The following TNPO3 variants were observed in gnomAD, a reference collection of about 807,000 sequenced individuals.
TNPO3 encodes the protein transportin 3.
A neutral mutation model predicts 122.8 loss-of-function variants in TNPO3; 65 were observed. That is an observed-to-expected ratio of 0.53 (90% CI 0.43 to 0.65). The LOEUF (loss-of-function observed/expected upper bound fraction) is 0.65, where lower values mean the gene tolerates loss of function less well. Ranked by LOEUF, TNPO3 falls within the 30% of genes least tolerant of loss-of-function variation. TNPO3 has a pLI of 0.00. For synonymous variants in TNPO3, 372 were observed against 411.2 expected (o/e 0.90, Z 1.15); for missense variants, 850 against 1,136.7 (o/e 0.75, Z 3.63).
At chr7:129,002,544 C>G (rs1802051381) in intron 5 of TNPO3, among the ~76,000 whole-genome samples, 1 of 152,098 alleles carries the variant, frequency 6.6e-6, no homozygotes, top group African/African-American at 2.4e-5. Flanking sequence ...TGGGAGAGCA[C>G]AAAGATGCAA....
rs539811635 is a variant in TNPO3 at position 129,004,710 on chromosome 7, T to C, written c.696+306A>G. 3.9e-5 allele frequency among the ~76,000 whole-genome samples: 6 copies of C among 152,326 alleles called. No homozygotes were observed. In the East Asian group the frequency reaches 7.7e-4, roughly 20 times the overall value. ...AATGTCTAGGATTCAATGACCATTA[T>C]TGAAATACATAATTTTATATTTTTA... On this transcript the variant is annotated intron_variant, in intron 5 of 22. Transcript: ENST00000265388.
At chr7:129,030,848 C>T (rs966400624) in intron 1 of TNPO3, among the ~76,000 whole-genome samples, 1 of 152,064 alleles carries the variant, frequency 6.6e-6, no homozygotes, top group African/African-American at 2.4e-5. Context: ...TCAAGAGTGC[C>T]CCTTGGCTGC....
At chr7:129,018,186 AAAG>A (rs1275542005) in intron 1 of TNPO3, 29 bp from the exon 2 acceptor site, 3 of 1,602,254 alleles carry the variant, frequency 1.9e-6, no homozygotes, top group Non-Finnish European at 2.6e-6. Flanking sequence ...AAGATGTCTT[AAAG>A]AAGACTACTT....
chr7:128,996,576 T>C (rs1327608726), intron 8 of TNPO3, among the ~76,000 whole-genome samples: 1 of 151,916 alleles, frequency 6.6e-6, no homozygotes, highest in East Asian at 1.9e-4. Context: ...ACCCCATCTC[T>C]ACTAAATATA....
intron 11 of TNPO3, among the ~76,000 whole-genome samples, chr7:128,987,949 G>A (rs1800340931): frequency 6.6e-6 from 1 of 151,988 alleles, no homozygotes; most frequent in South Asian, 2.1e-4. Context: ...GTGAAAAAGT[G>A]GAAAGAATCA....
intron 21 of TNPO3, among the ~76,000 whole-genome samples, chr7:128,964,358 C>T (rs185387940): frequency 0.087 from 9,442 of 108,938 alleles, 673 homozygotes; most frequent in African/African-American, 0.24. Flanking sequence ...TTTTTTGAGA[C>T]GGAGCCTCGC....
intron 7 of TNPO3, among the ~76,000 whole-genome samples, chr7:128,998,391 G>A (rs1196633159): frequency 6.6e-6 from 1 of 152,114 alleles, no homozygotes; most frequent in African/African-American, 2.4e-5. Context: ...TAGAGACAGG[G>A]TCGCCTAGGC....
At chr7:129,026,761 C>T (rs1301837825) in intron 1 of TNPO3, among the ~76,000 whole-genome samples, 2 of 151,998 alleles carry the variant, frequency 1.3e-5, no homozygotes, top group South Asian at 2.1e-4. Flanking sequence ...ATAACTTGTA[C>T]TTTATATACA....
At chr7:129,018,238 C>A (rs1804064289) in intron 1 of TNPO3, 81 bp from the exon 2 acceptor site, 3 of 1,367,804 alleles carry the variant, frequency 2.2e-6, no homozygotes, top group Non-Finnish European at 3.0e-6. Context: ...CTTATATAAA[C>A]ATATTTAGCC....
At chr7:128,968,745 A>G (rs1798163451) in intron 20 of TNPO3, among the ~76,000 whole-genome samples, 1 of 152,106 alleles carries the variant, frequency 6.6e-6, no homozygotes, top group Admixed American at 6.6e-5. Flanking sequence ...GGGTCTTGCT[A>G]TGCAGCTCAG....
chr7:129,022,123 G>A (rs1168525177), intron 1 of TNPO3, among the ~76,000 whole-genome samples: 2 of 152,118 alleles, frequency 1.3e-5, no homozygotes, highest in South Asian at 4.2e-4. Flanking sequence ...GGCAGTTTAC[G>A]CCTGTAATCC....
intron 13 of TNPO3, 100 bp downstream of exon 13, chr7:128,984,068 T>A: frequency 1.5e-6 from 1 of 655,110 alleles, no homozygotes; most frequent in Non-Finnish European, 2.4e-6. Context: ...TCTTGGATTT[T>A]CTAGGTAGAC....
chr7:129,033,797 C>T, intron 1 of TNPO3, among the ~76,000 whole-genome samples: 1 of 151,650 alleles, frequency 6.6e-6, no homozygotes, highest in Non-Finnish European at 1.5e-5. Context: ...ACTGTAATCC[C>T]AGCTACTTGG....
intron 4 of TNPO3, among the ~76,000 whole-genome samples, chr7:129,009,827 CG>C (rs1802987318): frequency 6.6e-6 from 1 of 152,180 alleles, no homozygotes; most frequent in African/African-American, 2.4e-5. Context: ...TGCTGAAACT[CG>C]TATACCAAAC....
chr7:129,027,139 C>T (rs552652274), intron 1 of TNPO3, among the ~76,000 whole-genome samples: 4 of 152,282 alleles, frequency 2.6e-5, no homozygotes, highest in African/African-American at 7.2e-5. Context: ...TAACAACACA[C>T]AGGAGTTAGT....
intron 4 of TNPO3, among the ~76,000 whole-genome samples, chr7:129,007,167 A>G (rs1023616040): frequency 3.9e-5 from 6 of 152,240 alleles, no homozygotes; most frequent in African/African-American, 1.4e-4. Flanking sequence ...TGAAACAGAT[A>G]CTATTATCCC....
Position 128,962,750 on chromosome 7 carries a change from A to G in TNPO3, c.2711+4530T>C, listed in dbSNP as rs572316995. Among the ~76,000 whole-genome samples the G allele has an allele frequency of 2.9e-3, 447 of 152,316 alleles. 2 individuals are homozygous for G. The highest frequency in any genetic ancestry group is 9.9e-3 in the African/African-American group (411 of 41,570). Reference sequence around the variant, plus strand: ...GCTGCAAAACTTGTTTAGCAATGGAAGATCAAGTAGGTCAGGTTGGTGGTG... The same window carrying G: ...GCTGCAAAACTTGTTTAGCAATGGAGGATCAAGTAGGTCAGGTTGGTGGTG... On this transcript the variant is annotated intron_variant, in intron 21 of 22. Coordinates refer to ENST00000265388, the MANE Select transcript of TNPO3 (RefSeq NM_012470.4).
intron 1 of TNPO3, among the ~76,000 whole-genome samples, chr7:129,024,623 T>G (rs978142028): frequency 3.3e-5 from 5 of 152,068 alleles, no homozygotes; most frequent in African/African-American, 1.2e-4. Flanking sequence ...AGCAGCTAAT[T>G]TGCCGGAAAA....
intron 1 of TNPO3, among the ~76,000 whole-genome samples, chr7:129,027,358 T>C (rs12532542): frequency 0.64 from 96,424 of 151,352 alleles, 31,036 homozygotes; most frequent in Middle Eastern, 0.71. Context: ...ATCAGGAGTT[T>C]GAGACTAACC....
Sources: gnomAD v4.1 joint callset for allele counts (sites outside exome capture counted in the v4.1 genomes callset) on GRCh38, gnomAD v4.1.1 for gene constraint, MANE v1.5 for transcripts, NCBI Gene and HGNC (gene_info 2026-07-23, HGNC 2026-07-21) for gene names.